The following RALGAPA2 variants were observed in gnomAD, a reference collection of about 807,000 sequenced individuals.
RALGAPA2 encodes the protein ral GTPase-activating protein subunit alpha-2.
Under a neutral mutation model 230.4 loss-of-function variants are expected in RALGAPA2, and 139 were observed. The observed-to-expected ratio is 0.60, with a 90% CI of 0.53 to 0.69. RALGAPA2 has a LOEUF of 0.69. Ranked by LOEUF, RALGAPA2 falls within the 30% of genes least tolerant of loss-of-function variation. The probability of loss-of-function intolerance (pLI) is 0.00; values close to 1 mark genes in which losing one functional copy is unlikely to be tolerated. For synonymous variants in RALGAPA2, 847 were observed against 837.8 expected, an observed-to-expected ratio of 1.01 and a Z score of -0.19; for missense variants, 2,163 against 2,276.0, an observed-to-expected ratio of 0.95 and a Z score of 1.01.
chr20:20,399,571 A>G (rs956404119), intron 38 of RALGAPA2, among the ~76,000 whole-genome samples: 6 of 152,202 alleles, frequency 3.9e-5, no homozygotes, highest in Admixed American at 3.9e-4. Flanking sequence ...AGCCGGGGGA[A>G]TCCAGAAGTC....
chr20:20,706,294 T>C (rs965494976), intron 1 of RALGAPA2, among the ~76,000 whole-genome samples: 1 of 152,198 alleles, frequency 6.6e-6, no homozygotes, highest in African/African-American at 2.4e-5. Flanking sequence ...GTGCTACATA[T>C]ACGTGTCCAA....
chr20:20,409,445 G>C (rs771293048), intron 38 of RALGAPA2, among the ~76,000 whole-genome samples: 1 of 152,178 alleles, frequency 6.6e-6, no homozygotes, highest in Non-Finnish European at 1.5e-5. Flanking sequence ...ACGCATGTGA[G>C]CCCAAGCCCA....
Position 20,583,117 on chromosome 20 carries a change from A to C in RALGAPA2, c.2640T>G (p.Asp880Glu), listed in dbSNP as rs746592074. 6.2e-7 allele frequency: 1 copy of C among 1,613,670 alleles called. No individual in the cohort carries two copies. Among genetic ancestry groups the C allele is most frequent in the Non-Finnish European group, 8.5e-7 (1 of 1,179,728 alleles). The change falls in exon 20 of 40, where the codon GAT becomes GAG. Residue 880 changes from aspartate to glutamate, a missense_variant. Transcript: ENST00000202677. The part of the protein sequence containing the change: ...EEDPELNTPT[D>E]VVADADARHW... ...GACGGGCATCAGCATCAGCCACAACATCTGTGGGAGTATTCAGTTCTGGGT... is the reference window on the plus strand; with the variant it reads ...GACGGGCATCAGCATCAGCCACAACCTCTGTGGGAGTATTCAGTTCTGGGT...
At chr20:20,627,756 G>A (rs1285830854) in intron 10 of RALGAPA2, among the ~76,000 whole-genome samples, 1 of 152,190 alleles carries the variant, frequency 6.6e-6, no homozygotes, top group Non-Finnish European at 1.5e-5. Context: ...TGGTATATCC[G>A]CTGCCAGTAA....
intron 37 of RALGAPA2, among the ~76,000 whole-genome samples, chr20:20,457,527 C>T (rs894977070): frequency 9.2e-5 from 14 of 152,274 alleles, no homozygotes; most frequent in Admixed American, 5.2e-4. Flanking sequence ...GTTCATTCGG[C>T]GTGTACTCAC....
rs2064186914 is a variant in RALGAPA2, at chr20:20,559,414, G to A, written c.3156+12044C>T. Among the ~76,000 whole-genome samples the A allele has an allele frequency of 1.3e-5, 2 of 152,180 alleles. 1 individual carries two copies. On this transcript the variant is annotated intron_variant, in intron 23 of 39. Transcript: ENST00000202677. ...CAACGGAAGCCAGCTCTATCAACCT[G>A]CTTATGGAGAAACCTCAGGCCAGAT...
At chr20:20,483,359 A>G (rs2061826648) in intron 36 of RALGAPA2, among the ~76,000 whole-genome samples, 1 of 152,222 alleles carries the variant, frequency 6.6e-6, no homozygotes, top group South Asian at 2.1e-4. Context: ...TTAAGAAGCC[A>G]ATAAGAAAAG....
At chr20:20,698,015 T>A (rs2069185164) in intron 1 of RALGAPA2, among the ~76,000 whole-genome samples, 1 of 152,002 alleles carries the variant, frequency 6.6e-6, no homozygotes, top group Non-Finnish European at 1.5e-5. Flanking sequence ...GTCCTAAGAA[T>A]TACAAATACA....
At chr20:20,525,896 GC>G (rs2063187121) in intron 28 of RALGAPA2, among the ~76,000 whole-genome samples, 1 of 152,164 alleles carries the variant, frequency 6.6e-6, no homozygotes, top group South Asian at 2.1e-4. Context: ...CACAACAGCT[GC>G]CCCCCTCCAC....
At chr20:20,544,871 G>C (rs183654872) in intron 24 of RALGAPA2, among the ~76,000 whole-genome samples, 271 of 152,186 alleles carry the variant, frequency 1.8e-3, no homozygotes, top group Middle Eastern at 3.4e-3. Context: ...GGCCTGTCAG[G>C]GGGTGGGGGG....
intron 16 of RALGAPA2, among the ~76,000 whole-genome samples, chr20:20,594,329 C>G (rs1167503083): frequency 1.3e-5 from 2 of 152,136 alleles, no homozygotes; most frequent in African/African-American, 4.8e-5. Context: ...TGGGCTCCCT[C>G]TGCTGGCATT....
rs1459047259 is a variant in RALGAPA2 at position 20,588,946 on chromosome 20, A to G, written c.2439+322T>C. ...TAGTAATTCATGTCAGGTAGAGGCT[A>G]CCTAAATGGATGTCAGGAATGGGGA... On this transcript the variant is annotated intron_variant, in intron 18 of 39. Transcript: ENST00000202677. 2.6e-5 allele frequency among the ~76,000 whole-genome samples: 4 copies of G among 152,182 alleles called. No homozygotes were observed. In the East Asian group the frequency reaches 7.7e-4, roughly 29 times the overall value.
chr20:20,706,524 CAAGGTTACAGGG>C (rs2069611751), intron 1 of RALGAPA2, among the ~76,000 whole-genome samples: 1 of 152,106 alleles, frequency 6.6e-6, no homozygotes, highest in African/African-American at 2.4e-5. Context: ...CTAGGCCTGC[CAAGGTTACAGGG>C]AAGGCAATGA....
intron 4 of RALGAPA2, among the ~76,000 whole-genome samples, chr20:20,644,164 G>A (rs899466815): frequency 1.3e-5 from 2 of 152,140 alleles, no homozygotes; most frequent in African/African-American, 4.8e-5. Context: ...CCTCAGTATG[G>A]AGATGGCAAC....
chr20:20,707,771 C>G (rs540311832), intron 1 of RALGAPA2, among the ~76,000 whole-genome samples: 5 of 152,216 alleles, frequency 3.3e-5, no homozygotes, highest in African/African-American at 1.2e-4. Flanking sequence ...TGTCAGGCTA[C>G]TGTTCCACTC....
Position 20,591,413 on chromosome 20 carries a change from C to T in RALGAPA2, c.2204-99G>A, listed in dbSNP as rs182442706. 54 of 1,323,828 alleles carry T rather than the reference C, an allele frequency of 4.1e-5. No individual in the cohort carries two copies. The African/African-American group carries it at 7.4e-4, about 18-fold the overall frequency. The allele number at this position is 1,323,828 out of a possible 1,614,324, so 82.0% of individuals were successfully genotyped here. On this transcript the variant is annotated intron_variant, in intron 16 of 39. Transcript: ENST00000202677. The stretch of plus-strand genomic sequence containing the variant: ...GATTTAAAAAATAAAGTTTCAAATG[C>T]TTTTCACAAATAATTTATAGTCAGA...
chr20:20,523,559 G>A (rs906563003), intron 30 of RALGAPA2, among the ~76,000 whole-genome samples: 1 of 152,132 alleles, frequency 6.6e-6, no homozygotes, highest in African/African-American at 2.4e-5. Flanking sequence ...ATCAACTGTA[G>A]ATTTCAAAAT....
intron 20 of RALGAPA2, among the ~76,000 whole-genome samples, chr20:20,577,018 C>T (rs1224455721): frequency 6.6e-6 from 1 of 151,846 alleles, no homozygotes; most frequent in Non-Finnish European, 1.5e-5. Context: ...TATTCTTTTC[C>T]TAATTTTTGA....
intron 23 of RALGAPA2, among the ~76,000 whole-genome samples, chr20:20,549,920 G>A (rs4814978): frequency 0.32 from 48,369 of 152,124 alleles, 9,513 homozygotes; most frequent in Middle Eastern, 0.44. Flanking sequence ...CAATCCTCAT[G>A]CCTTTTGCCA....
Sources: allele counts gnomAD v4.1 joint callset (sites outside exome capture counted in the v4.1 genomes callset), GRCh38; gene constraint gnomAD v4.1.1; transcripts MANE v1.5; gene names NCBI Gene and HGNC (gene_info 2026-07-23, HGNC 2026-07-21).